ERBB4: variants seen among roughly 807,000 people sequenced by gnomAD.
The protein encoded by ERBB4 is receptor tyrosine-protein kinase erbB-4.
A neutral mutation model predicts 158.0 loss-of-function variants in ERBB4; 42 were observed. That is an observed-to-expected ratio of 0.27 (90% CI 0.21 to 0.34). The LOEUF (loss-of-function observed/expected upper bound fraction) is 0.34. ERBB4 is among the 10% of genes least tolerant of loss of function. The pLI, the probability that ERBB4 is intolerant of heterozygous loss-of-function variation, is 1.00. For missense variants in ERBB4, 1,333 were observed against 1,624.1 expected (o/e 0.82, Z 3.08); for synonymous variants, 583 against 558.7 (o/e 1.04, Z -0.61).
At chr2:212,301,061 T>C (rs2086600719) in intron 1 of ERBB4, among the ~76,000 whole-genome samples, 1 of 151,420 alleles carries the variant, frequency 6.6e-6, no homozygotes, top group Non-Finnish European at 1.5e-5. Context: ...AAAAGATTTG[T>C]ACAGTTAAGT....
intron 2 of ERBB4, among the ~76,000 whole-genome samples, chr2:211,973,262 C>T (rs1028979703): frequency 4.6e-5 from 7 of 150,864 alleles, no homozygotes; most frequent in African/African-American, 1.7e-4. Flanking sequence ...AGTGCAGTGG[C>T]GGGATCTCAG....
intron 3 of ERBB4, among the ~76,000 whole-genome samples, chr2:211,936,806 A>G (rs1409364925): frequency 6.6e-6 from 1 of 152,142 alleles, no homozygotes; most frequent in Non-Finnish European, 1.5e-5. Context: ...AACAAAAACA[A>G]TCATTAAAAT....
At chr2:211,442,425 T>C (rs1275289560) in intron 20 of ERBB4, among the ~76,000 whole-genome samples, 2 of 151,996 alleles carry the variant, frequency 1.3e-5, no homozygotes, top group African/African-American at 4.8e-5. Context: ...CAACCATCCA[T>C]CTGGAGCTAA....
chr2:212,060,463 T>C (rs908208046), intron 2 of ERBB4, among the ~76,000 whole-genome samples: 1 of 151,232 alleles, frequency 6.6e-6, no homozygotes, highest in African/African-American at 2.4e-5. Context: ...TTACTGGTTA[T>C]ATACCCAAAG....
chr2:211,634,074 G>A (rs894659669), intron 16 of ERBB4, among the ~76,000 whole-genome samples: 4 of 152,112 alleles, frequency 2.6e-5, no homozygotes, highest in Admixed American at 6.5e-5. Context: ...CAGGAGAATC[G>A]CCTGAACCCA....
At chr2:212,072,569 AAG>A (rs1420112143) in intron 2 of ERBB4, among the ~76,000 whole-genome samples, 1 of 151,978 alleles carries the variant, frequency 6.6e-6, no homozygotes, top group Non-Finnish European at 1.5e-5. Flanking sequence ...CAAAGCAAGA[AAG>A]AGGGCTGGGC....
At chr2:211,993,991 T>C (rs990087057) in intron 2 of ERBB4, among the ~76,000 whole-genome samples, 1 of 152,010 alleles carries the variant, frequency 6.6e-6, no homozygotes, top group Non-Finnish European at 1.5e-5. Flanking sequence ...TATTATTTTA[T>C]GTATTAGTAA....
At chr2:211,631,430 T>C (rs1372060872) in intron 16 of ERBB4, among the ~76,000 whole-genome samples, 1 of 152,184 alleles carries the variant, frequency 6.6e-6, no homozygotes, top group Non-Finnish European at 1.5e-5. Context: ...ATCAATAGTG[T>C]GTCTCAGCAT....
At chr2:211,413,945 A>G (rs575974459) in intron 25 of ERBB4, among the ~76,000 whole-genome samples, 2 of 151,050 alleles carry the variant, frequency 1.3e-5, no homozygotes, top group South Asian at 4.2e-4. Context: ...CCTCCCCTGG[A>G]TAAGGCGCAA....
chr2:211,785,785 T>C (rs931897157), intron 4 of ERBB4, among the ~76,000 whole-genome samples: 2 of 152,188 alleles, frequency 1.3e-5, no homozygotes, highest in East Asian at 3.9e-4. Context: ...ATTACTATAT[T>C]AGGTATCTGT....
chr2:212,048,011 A>G (rs1358108578), intron 2 of ERBB4, among the ~76,000 whole-genome samples: 2 of 152,160 alleles, frequency 1.3e-5, no homozygotes, highest in Non-Finnish European at 2.9e-5. Flanking sequence ...TGTTCATGAG[A>G]GACTTCGTTG....
intron 2 of ERBB4, among the ~76,000 whole-genome samples, chr2:212,019,290 G>T (rs1345159385): frequency 1.3e-5 from 2 of 152,068 alleles, no homozygotes; most frequent in Admixed American, 1.3e-4. Flanking sequence ...AATAACAATG[G>T]AAACTTCTAA....
chr2:211,897,489 T>C (rs1426775124), intron 3 of ERBB4, among the ~76,000 whole-genome samples: 1 of 150,656 alleles, frequency 6.6e-6, no homozygotes, highest in Non-Finnish European at 1.5e-5. Flanking sequence ...AATAGAAAAG[T>C]CAAAATTGGG....
intron 1 of ERBB4, among the ~76,000 whole-genome samples, chr2:212,132,394 G>A (rs1236010158): frequency 1.3e-5 from 2 of 152,124 alleles, no homozygotes; most frequent in Non-Finnish European, 2.9e-5. Flanking sequence ...ATTTCTGAGT[G>A]TATCCATAAG....
At chr2:211,839,837 C>A (rs1341335806) in intron 3 of ERBB4, among the ~76,000 whole-genome samples, 2 of 151,990 alleles carry the variant, frequency 1.3e-5, no homozygotes, top group African/African-American at 2.4e-5. Flanking sequence ...CTCCTATGTA[C>A]AAAAAGACCT....
intron 5 of ERBB4, among the ~76,000 whole-genome samples, chr2:211,729,581 A>G (rs2074368694): frequency 6.6e-6 from 1 of 151,900 alleles, no homozygotes; most frequent in Non-Finnish European, 1.5e-5. Context: ...GGCTACATGC[A>G]AGACAAGTGG....
chr2:212,181,701 C>A (rs979605020), intron 1 of ERBB4, among the ~76,000 whole-genome samples: 1 of 151,712 alleles, frequency 6.6e-6, no homozygotes, highest in South Asian at 2.1e-4. Context: ...ATATGTGCTA[C>A]AATTATTTAA....
chr2:212,460,513 G>A (rs781102753), intron 1 of ERBB4, among the ~76,000 whole-genome samples: 1 of 152,156 alleles, frequency 6.6e-6, no homozygotes, highest in Non-Finnish European at 1.5e-5. Flanking sequence ...GGGAACTGGA[G>A]CCAAGGTGAC....
At chr2:212,003,256 G>GGACGGAAGGAAA (rs2076180540) in intron 2 of ERBB4, among the ~76,000 whole-genome samples, 1 of 92,430 alleles carries the variant, frequency 1.1e-5, no homozygotes, top group African/African-American at 3.7e-5. Flanking sequence ...AAGGAAGGAA[G>GGACGGAAGGAAA]GAAAGAGAGA....
Sources: gnomAD v4.1 joint callset for allele counts (sites outside exome capture counted in the v4.1 genomes callset) on GRCh38, gnomAD v4.1.1 for gene constraint, MANE v1.5 for transcripts, NCBI Gene and HGNC (gene_info 2026-07-23, HGNC 2026-07-21) for gene names.